The following TTC29 variants were observed in gnomAD, a reference collection of about 807,000 sequenced individuals.
TTC29 encodes the protein tetratricopeptide repeat protein 29.
Under a neutral mutation model 58.1 loss-of-function variants are expected in TTC29, and 49 were observed. The ratio of observed to expected loss-of-function variants is 0.84; its 90% confidence interval spans 0.67 to 1.07. TTC29 has a LOEUF of 1.07. Ranked by LOEUF, TTC29 falls within the 50% of genes least tolerant of loss-of-function variation. The pLI is 0.00. For missense variants in TTC29, 582 were observed against 555.6 expected (o/e 1.05, Z -0.48); for synonymous variants, 209 against 196.8 (o/e 1.06, Z -0.52).
rs184542607 is a variant in TTC29 at position 146,939,899 on chromosome 4, G to A, written c.-4C>T. ...GCAGTGGGGGCAGGGTGGTCATTTCGGACTACAAAAAGAAATAAGTAGAAA... is the reference window on the plus strand; with the variant it reads ...GCAGTGGGGGCAGGGTGGTCATTTCAGACTACAAAAAGAAATAAGTAGAAA... On this transcript the variant is annotated splice_region_variant and 5_prime_UTR_variant, in exon 3 of 13. Coordinates refer to ENST00000325106, the MANE Select transcript of TTC29 (RefSeq NM_031956.4). The A allele has an allele frequency of 2.4e-4, 379 of 1,606,018 alleles. No homozygotes were observed. The highest frequency in any genetic ancestry group is 4.9e-4 in the East Asian group (22 of 44,726).
intron 11 of TTC29, among the ~76,000 whole-genome samples, chr4:146,718,690 G>A (rs1373519279): frequency 6.6e-6 from 1 of 150,884 alleles, no homozygotes; most frequent in Non-Finnish European, 1.5e-5. Flanking sequence ...TTCTTTTTTT[G>A]TGCAGAAACT....
chr4:146,794,676 C>CT (rs1181115763), intron 11 of TTC29, among the ~76,000 whole-genome samples: 4 of 152,068 alleles, frequency 2.6e-5, no homozygotes, highest in Non-Finnish European at 5.9e-5. Flanking sequence ...TCCTTAGGAG[C>CT]TTACTATCTC....
chr4:146,848,625 T>G (rs1729325261), intron 8 of TTC29, among the ~76,000 whole-genome samples: 1 of 152,186 alleles, frequency 6.6e-6, no homozygotes, highest in African/African-American at 2.4e-5. Flanking sequence ...TATAGTAAGC[T>G]TTAGGTTTTA....
At chr4:146,783,721 A>G (rs1206078128) in intron 11 of TTC29, among the ~76,000 whole-genome samples, 1 of 150,562 alleles carries the variant, frequency 6.6e-6, no homozygotes, top group East Asian at 2.0e-4. Flanking sequence ...AAAATTTCTA[A>G]AGTGTGAAGA....
At chr4:146,770,336 AT>A (rs1171390349) in intron 11 of TTC29, among the ~76,000 whole-genome samples, 1 of 151,882 alleles carries the variant, frequency 6.6e-6, no homozygotes, top group Non-Finnish European at 1.5e-5. Context: ...CTTCTGGGTA[AT>A]GTCCACACTG....
intron 10 of TTC29, among the ~76,000 whole-genome samples, chr4:146,804,898 G>C (rs1750493029): frequency 6.6e-6 from 1 of 152,224 alleles, no homozygotes; most frequent in Non-Finnish European, 1.5e-5. Context: ...GGGACAGACT[G>C]CCTCCTCAAG....
chr4:146,895,547 G>C (rs945495745), intron 6 of TTC29, among the ~76,000 whole-genome samples: 1 of 152,128 alleles, frequency 6.6e-6, no homozygotes, highest in African/African-American at 2.4e-5. Context: ...TTCTCAAGGA[G>C]GGTGATCTTT....
chr4:146,933,582 T>C (rs1344980492), intron 4 of TTC29, among the ~76,000 whole-genome samples: 4 of 152,212 alleles, frequency 2.6e-5, no homozygotes, highest in African/African-American at 9.6e-5. Context: ...AAAGATCAGT[T>C]AGATAGTAGC....
At chr4:146,771,357 C>T (rs1747713098) in intron 11 of TTC29, among the ~76,000 whole-genome samples, 1 of 151,884 alleles carries the variant, frequency 6.6e-6, no homozygotes, top group Non-Finnish European at 1.5e-5. Context: ...ATTTTGTCAC[C>T]CAGGTAATAA....
At chr4:146,914,207 C>T (rs1051399721) in intron 4 of TTC29, among the ~76,000 whole-genome samples, 46 of 152,076 alleles carry the variant, frequency 3.0e-4, no homozygotes, top group African/African-American at 1.1e-3. Context: ...GAATGTCAAT[C>T]TCTACCATTA....
chr4:146,849,604 A>G (rs557740208), intron 8 of TTC29, among the ~76,000 whole-genome samples: 1 of 152,294 alleles, frequency 6.6e-6, no homozygotes, highest in Admixed American at 6.5e-5. Flanking sequence ...ATTAGAGGTA[A>G]TAATAGCCAA....
chr4:146,732,562 T>C (rs115392764), intron 11 of TTC29, among the ~76,000 whole-genome samples: 4,070 of 152,218 alleles, frequency 0.027, 186 homozygotes, highest in African/African-American at 0.092. Flanking sequence ...CGAAGTAGTT[T>C]GAAAAGTTTT....
chr4:146,726,056 T>A (rs938798739), intron 11 of TTC29, among the ~76,000 whole-genome samples: 2 of 152,134 alleles, frequency 1.3e-5, no homozygotes, highest in Admixed American at 1.3e-4. Flanking sequence ...ATTTTAATTT[T>A]AGAGACAGCG....
intron 4 of TTC29, among the ~76,000 whole-genome samples, chr4:146,912,074 A>T (rs899814803): frequency 7.2e-5 from 11 of 152,146 alleles, no homozygotes; most frequent in Non-Finnish European, 1.5e-4. Context: ...CCACACATAA[A>T]ATTCACTAAC....
intron 11 of TTC29, among the ~76,000 whole-genome samples, chr4:146,796,586 T>A (rs1749851383): frequency 6.6e-6 from 1 of 152,098 alleles, no homozygotes; most frequent in Admixed American, 6.5e-5. Context: ...ATTTTTTGGG[T>A]GGGAGGCATT....
chr4:146,808,382 C>G (rs1579722716), intron 10 of TTC29, among the ~76,000 whole-genome samples: 1 of 152,150 alleles, frequency 6.6e-6, no homozygotes, highest in Admixed American at 6.5e-5. Context: ...ATTGGAAGTT[C>G]TGGCCAGGGC....
At chr4:146,788,301 G>A (rs574309133) in intron 11 of TTC29, among the ~76,000 whole-genome samples, 1 of 152,314 alleles carries the variant, frequency 6.6e-6, no homozygotes, top group South Asian at 2.1e-4. Flanking sequence ...TTTGGCTAAG[G>A]GATGGGGAGA....
chr4:146,806,282 C>T (rs1338089246), intron 10 of TTC29, among the ~76,000 whole-genome samples: 5 of 151,854 alleles, frequency 3.3e-5, no homozygotes, highest in South Asian at 2.1e-4. Flanking sequence ...GCAAAAACAC[C>T]GAATTGTAAA....
At chr4:146,789,247 A>G (rs1486259755) in intron 11 of TTC29, among the ~76,000 whole-genome samples, 5 of 152,216 alleles carry the variant, frequency 3.3e-5, no homozygotes, top group African/African-American at 1.2e-4. Context: ...TTCATGAAGA[A>G]AAGCTAACCT....
Sources: allele counts gnomAD v4.1 joint callset (sites outside exome capture counted in the v4.1 genomes callset), GRCh38; gene constraint gnomAD v4.1.1; transcripts MANE v1.5; gene names NCBI Gene and HGNC (gene_info 2026-07-23, HGNC 2026-07-21).